IPO13: variants seen among roughly 807,000 people sequenced by gnomAD.
IPO13 encodes the protein importin-13.
In IPO13, 28 loss-of-function variants were observed where a neutral mutation model predicts 115.5. That is an observed-to-expected ratio of 0.24 (90% CI 0.18 to 0.33). The LOEUF is 0.33. Among genes scored for constraint, IPO13 ranks in the 10% least tolerant of loss-of-function variants. The pLI is 1.00. For synonymous variants in IPO13, 414 were observed against 478.9 expected (o/e 0.86, Z 1.77); for missense variants, 785 against 1,204.6 (o/e 0.65, Z 5.16).
intron 11 of IPO13, 78 bp from the exon 12 acceptor site, chr1:43,960,171 C>T (rs2085279652): frequency 5.8e-6 from 8 of 1,389,954 alleles, no homozygotes; most frequent in African/African-American, 1.4e-5. Flanking sequence ...TGCTCCCCTC[C>T]TCCCTGCCAC....
chr1:43,960,227 TC>T, intron 11 of IPO13, 21 bp from the exon 12 acceptor site: 1 of 1,611,910 alleles, frequency 6.2e-7, no homozygotes. Flanking sequence ...CAGAAGCGCC[TC>T]ACTTCTTCCT....
chr1:43,967,082 C>T lies in IPO13; in HGVS notation c.2613+63C>T, dbSNP rs972274610. On this transcript the variant is annotated intron_variant, in intron 18 of 19. Transcript: ENST00000372343. The surrounding 1 kb of genome is among the most constrained non-coding windows in gnomAD (Gnocchi z 6.1). ...GCCCCTCACTGCTGAGGCAGCTGGC[C>T]TTCTGGGAGGCTTGAGCCTTTGGTC... The T allele has an allele frequency of 2.7e-6, 4 of 1,483,430 alleles. No individual in the cohort carries two copies. The highest frequency in any genetic ancestry group is 2.3e-5 in the South Asian group (2 of 88,336). The allele number at this position is 1,483,430 out of a possible 1,614,324, so 91.9% of individuals were successfully genotyped here. A position where few individuals can be genotyped will look rare whatever the true frequency, so the allele number is the denominator to read the frequency against.
Position 43,947,650 on chromosome 1 carries a change from C to T in IPO13, c.50C>T (p.Pro17Leu). Residue 17 changes from proline to leucine, a missense_variant, in exon 1 of 20, where the codon CCA becomes CTA. By Grantham distance (98) the Pro-to-Leu change is moderately conservative. Coordinates refer to ENST00000372343, the MANE Select transcript of IPO13 (RefSeq NM_014652.4). The part of the protein sequence containing the change: ...QPGAAGAGAA[P>L]ALDFTVENVE... ...GGGGCTGCAGGGGCTGGAGCAGCAC[C>T]AGCCTTGGACTTCACTGTGGAGAAC... 1 of 1,332,940 alleles carries T rather than the reference C, an allele frequency of 7.5e-7. No individual in the cohort carries two copies. Among genetic ancestry groups the T allele is most frequent in the Non-Finnish European group, 9.7e-7 (1 of 1,033,600 alleles). The allele number at this position is 1,332,940 out of a possible 1,614,324, so 82.6% of individuals were successfully genotyped here.
In IPO13 at chr1:43,961,161, C is replaced by T. The variant is rs748642961; in HGVS notation, c.2248-5C>T. The T allele has an allele frequency of 2.8e-5, 45 of 1,613,102 alleles. 2 individuals are homozygous for T. The highest frequency in any genetic ancestry group is 3.3e-4 in the Middle Eastern group (2 of 6,082). The stretch of plus-strand genomic sequence containing the variant: ...AGCTGACCAGCATTCCCTGCTTTCT[C>T]GTAGCTGGTCCACATCTTTGCTCAT... On this transcript the variant is annotated splice_polypyrimidine_tract_variant and splice_region_variant and intron_variant, in intron 13 of 19. Coordinates refer to ENST00000372343, the MANE Select transcript of IPO13 (RefSeq NM_014652.4).
At position 43,967,983 on chromosome 1, in the gene IPO13, A is replaced by G; in HGVS notation, c.*301A>G. The G allele has an allele frequency of 2.0e-6, 1 of 504,984 alleles. No individual in the cohort carries two copies. The highest frequency in any genetic ancestry group is 3.3e-5 in the Admixed American group (1 of 30,286). 31.3% of individuals were successfully genotyped at this position (504,984 alleles called of 1,614,324 possible). On this transcript the variant is annotated 3_prime_UTR_variant, in exon 20 of 20. Transcript: ENST00000372343. This position sits in a 1 kb window ranked among gnomAD's most constrained non-coding sequence, Gnocchi z 6.1. ...GGGGCGGGGTGGTTGCAGTAGTGTCATCAACCCCCCCATCCCCATTAAATT... is the reference window on the plus strand; with the variant it reads ...GGGGCGGGGTGGTTGCAGTAGTGTCGTCAACCCCCCCATCCCCATTAAATT...
chr1:43,947,304 A>G lies in IPO13; in HGVS notation c.-297A>G, dbSNP rs2085173714. 1 of 399,050 alleles carries G rather than the reference A, an allele frequency of 2.5e-6. No individual in the cohort carries two copies. Among genetic ancestry groups the G allele is most frequent in the African/African-American group, 2.1e-5 (1 of 48,604 alleles). 24.7% of individuals were successfully genotyped at this position (399,050 alleles called of 1,614,324 possible). On this transcript the variant is annotated 5_prime_UTR_variant, in exon 1 of 20. Coordinates refer to ENST00000372343, the MANE Select transcript of IPO13 (RefSeq NM_014652.4). ...CTCCCCTGTGACTCCCTCCACACAG[A>G]TTCTGGGGACAGAGCTGTTACCTGC...
In IPO13 at chr1:43,956,172, G is replaced by T; in HGVS notation, c.822-148G>T. The T allele has an allele frequency of 1.2e-6, 1 of 822,682 alleles. No homozygotes were observed. The highest frequency in any genetic ancestry group is 1.8e-5 in the South Asian group (1 of 54,878). 51.0% of individuals were successfully genotyped at this position (822,682 alleles called of 1,614,324 possible). A position where few individuals can be genotyped will look rare whatever the true frequency, so the allele number is the denominator to read the frequency against. ...TCCCAACATTGGGAACATCAAATCTGCCATGTAGACCCTGACCCTTTTTTT... is the reference window on the plus strand; with the variant it reads ...TCCCAACATTGGGAACATCAAATCTTCCATGTAGACCCTGACCCTTTTTTT... On this transcript the variant is annotated intron_variant, in intron 2 of 19. Transcript: ENST00000372343. The surrounding 1 kb of genome is among the most constrained non-coding windows in gnomAD (Gnocchi z 4.7).
chr1:43,959,011 C>A, intron 11 of IPO13, 122 bp downstream of exon 11: 1 of 958,838 alleles, frequency 1.0e-6, no homozygotes, highest in Non-Finnish European at 1.6e-6. Flanking sequence ...CTCCCTGCCC[C>A]GTGGGCGTGA....
Position 43,946,950 on chromosome 1 carries a change from G to T in IPO13, c.-651G>T, listed in dbSNP as rs947173218. ...TCCCTGCCCCGTCCCGGCCGGCCTG[G>T]CTTGTCTTGTCAGTCACTGGGGCGG... On this transcript the variant is annotated 5_prime_UTR_variant, in exon 1 of 20. Coordinates refer to ENST00000372343, the MANE Select transcript of IPO13 (RefSeq NM_014652.4). The T allele has an allele frequency of 6.3e-5, 25 of 397,944 alleles. No homozygotes were observed. Among genetic ancestry groups the T allele is most frequent in the Non-Finnish European group, 1.1e-4 (24 of 225,954 alleles). The allele number at this position is 397,944 out of a possible 1,614,324, so 24.7% of individuals were successfully genotyped here. A position where few individuals can be genotyped will look rare whatever the true frequency, so the allele number is the denominator to read the frequency against.
chr1:43,948,641 G>A (rs537989531), intron 1 of IPO13, among the ~76,000 whole-genome samples: 41 of 152,346 alleles, frequency 2.7e-4, no homozygotes, highest in South Asian at 6.2e-4. Flanking sequence ...ATACTCTTCC[G>A]CCCCTTGGAG....
intron 7 of IPO13, 64 bp downstream of exon 7, chr1:43,957,613 C>T: frequency 1.3e-6 from 2 of 1,580,658 alleles, no homozygotes; most frequent in Non-Finnish European, 1.7e-6. Flanking sequence ...CTGGCCACAG[C>T]CAGCATGCTG....
rs143202249 is a variant in IPO13, at chr1:43,953,846, G to A, written c.822-2474G>A. ...TAGGACTGGAGATATGGGCTGAGAC[G>A]TACATAAATCCTTTGGGGAAATTCT... is the stretch of plus-strand genomic sequence containing the variant. On this transcript the variant is annotated intron_variant, in intron 2 of 19. Coordinates refer to ENST00000372343, the MANE Select transcript of IPO13 (RefSeq NM_014652.4). 4.0e-4 allele frequency among the ~76,000 whole-genome samples: 61 copies of A among 152,302 alleles called. No individual in the cohort carries two copies. The East Asian group carries it at 0.012, about 29-fold the overall frequency.
chr1:43,949,306 C>T, intron 1 of IPO13, 111 bp from the exon 2 acceptor site: 1 of 1,170,068 alleles, frequency 8.5e-7, no homozygotes, highest in Non-Finnish European at 1.2e-6. Context: ...CCTGCTCAGC[C>T]CCCCAGTCAG....
intron 15 of IPO13, among the ~76,000 whole-genome samples, chr1:43,965,369 C>T (rs1243524591): frequency 3.3e-5 from 5 of 151,804 alleles, no homozygotes; most frequent in African/African-American, 1.2e-4. Flanking sequence ...GATATGATAG[C>T]GAGCAAAACC....
chr1:43,958,135 G>A lies in IPO13; in HGVS notation c.1699G>A (p.Ala567Thr). 6.2e-7 allele frequency: 1 copy of A among 1,614,174 alleles called. No homozygotes were observed. Among genetic ancestry groups the A allele is most frequent in the Non-Finnish European group, 8.5e-7 (1 of 1,180,044 alleles). The change falls in exon 8 of 20, where the codon GCC becomes ACC. Residue 567 changes from alanine to threonine, a missense_variant. Ala to Thr is a moderately conservative substitution (Grantham distance 58). Transcript: ENST00000372343. This position sits in a 1 kb window ranked among gnomAD's most constrained non-coding sequence, Gnocchi z 6.3. Reference sequence around the variant, plus strand: ...CAAGTATGACCTGCCTCCCTATGCTGCCAACATTGTGGCTGTGTCCCAGGT... The same window carrying A: ...CAAGTATGACCTGCCTCCCTATGCTACCAACATTGTGGCTGTGTCCCAGGT... ...ECKYDLPPYA[A>T]NIVAVSQDVL...
chr1:43,966,493 TG>T lies in IPO13; in HGVS notation c.2398-77del. ...AGCCTCTACCTGTGAGGTGTGAAGT[TG>T]GGGGCTGGGGTGGCAGGTGAGTGGG... On this transcript the variant is annotated intron_variant, in intron 15 of 19. Transcript: ENST00000372343. The surrounding 1 kb of genome is among the most constrained non-coding windows in gnomAD (Gnocchi z 4.1). 1 of 1,422,296 alleles carries T rather than the reference TG, an allele frequency of 7.0e-7. No homozygotes were observed. Among genetic ancestry groups the T allele is most frequent in the African/African-American group, 1.4e-5 (1 of 70,156 alleles). The allele number at this position is 1,422,296 out of a possible 1,614,324, so 88.1% of individuals were successfully genotyped here. A position where few individuals can be genotyped will look rare whatever the true frequency, so the allele number is the denominator to read the frequency against.
rs1256607764 is a variant in IPO13, at chr1:43,952,163, T to C, written c.821+2010T>C. ...CTTTATACTTTATGTGATCAGTTAA[T>C]GGTAATTGTTTATTTATTTATTTTG... On this transcript the variant is annotated intron_variant, in intron 2 of 19. Coordinates refer to ENST00000372343, the MANE Select transcript of IPO13 (RefSeq NM_014652.4). This position sits in a 1 kb window ranked among gnomAD's most constrained non-coding sequence, Gnocchi z 4.7. 6.6e-6 allele frequency among the ~76,000 whole-genome samples: 1 copy of C among 152,170 alleles called. No homozygotes were observed. The highest frequency in any genetic ancestry group is 1.5e-5 in the Non-Finnish European group (1 of 68,012).
rs1426165471 is a variant in IPO13 at position 43,949,680 on chromosome 1, C to T, written c.348C>T (p.Ser116=). The T allele has an allele frequency of 1.2e-6, 2 of 1,614,244 alleles. No homozygotes were observed. Among genetic ancestry groups the T allele is most frequent in the Non-Finnish European group, 1.7e-6 (2 of 1,180,044 alleles). ...FTQITRFASG[S]KIVLTRLCVA... is the part of the protein sequence containing the mutation. ...AGATCACCCGCTTTGCCAGTGGCTC[C>T]AAGATTGTACTGACTCGGCTGTGCG... Residue 116 remains serine, a synonymous_variant, in exon 2 of 20, where the codon TCC becomes TCT. Coordinates refer to ENST00000372343, the MANE Select transcript of IPO13 (RefSeq NM_014652.4).
chr1:43,965,302 C>A (rs1208290104), intron 15 of IPO13, among the ~76,000 whole-genome samples: 6 of 152,074 alleles, frequency 3.9e-5, no homozygotes, highest in Non-Finnish European at 7.4e-5. Flanking sequence ...TTTGCTTAAT[C>A]ATTCCACAGA....
Sources: allele counts gnomAD v4.1 joint callset (sites outside exome capture counted in the v4.1 genomes callset), GRCh38; gene constraint gnomAD v4.1.1; non-coding constraint Gnocchi (gnomAD v3.1); transcripts MANE v1.5; gene names NCBI Gene and HGNC (gene_info 2026-07-23, HGNC 2026-07-21).